The following CST5 variants were observed in gnomAD, a reference collection of about 807,000 sequenced individuals.
CST5 encodes cystatin-D.
A neutral mutation model predicts 11.5 loss-of-function variants in CST5; 13 were observed. The ratio of observed to expected loss-of-function variants is 1.13; its 90% confidence interval spans 0.73 to 1.79. The LOEUF (loss-of-function observed/expected upper bound fraction) is 1.79. CST5 is among the 40% of genes most tolerant of loss of function. CST5 has a pLI of 0.00. For missense variants in CST5, 219 were observed against 174.5 expected, an observed-to-expected ratio of 1.25 and a Z score of -1.44; for synonymous variants, 81 against 67.6, an observed-to-expected ratio of 1.20 and a Z score of -0.97.
rs139269433 is a variant in CST5 at position 23,879,517 on chromosome 20, C to T, written c.160G>A (p.Glu54Lys). ...TCCTTATTAATGACCTTGTTGTACT[C>T]GCTGATGGCAAAGTCCAGGGCACAC... is the stretch of plus-strand genomic sequence containing the variant. The part of the protein sequence containing the change: ...VQCALDFAIS[E>K]YNKVINKDEY... Residue 54 changes from glutamate to lysine, a missense_variant, in exon 1 of 3, where the codon GAG becomes AAG. Coordinates refer to ENST00000304710, the MANE Select transcript of CST5 (RefSeq NM_001900.5). The T allele has an allele frequency of 2.0e-5, 33 of 1,614,040 alleles. 1 individual carries two copies. Among genetic ancestry groups the T allele is most frequent in the East Asian group, 1.8e-4 (8 of 44,868 alleles).
At chr20:23,877,472 A>C in intron 2 of CST5, 33 bp downstream of exon 2, 1 of 1,526,464 alleles carries the variant, frequency 6.6e-7, no homozygotes, top group Non-Finnish European at 9.1e-7. Flanking sequence ...GCTCTGCGGT[A>C]CTTGATGCCC....
Position 23,877,624 on chromosome 20 carries a change from C to G in CST5, c.232-6G>C, listed in dbSNP as rs372005584. ...TAGTTCACCCCACCCACGATCTACA[C>G]GCGTGGAAGAGCAGGAAGCAGGGGC... On this transcript the variant is annotated splice_polypyrimidine_tract_variant and splice_region_variant and intron_variant, in intron 1 of 2. Coordinates refer to ENST00000304710, the MANE Select transcript of CST5 (RefSeq NM_001900.5). The G allele has an allele frequency of 6.2e-6, 10 of 1,607,064 alleles. No homozygotes were observed. In the Admixed American group the frequency reaches 1.0e-4, roughly 16 times the overall value.
chr20:23,879,294 G>C (rs1986031400), intron 1 of CST5, 152 bp downstream of exon 1: 3 of 705,816 alleles, frequency 4.3e-6, no homozygotes, highest in Non-Finnish European at 7.5e-6. Flanking sequence ...CGGCCAAGGA[G>C]TGTCCTAGGG....
chr20:23,877,321 A>T (rs1259103764), intron 2 of CST5, among the ~76,000 whole-genome samples, 184 bp downstream of exon 2: 1 of 152,204 alleles, frequency 6.6e-6, no homozygotes, highest in Admixed American at 6.5e-5. Flanking sequence ...CCAAACACAC[A>T]TGCATCCTCC....
chr20:23,877,482 C>T (rs751942346), intron 2 of CST5, 23 bp downstream of exon 2: 2 of 1,587,548 alleles, frequency 1.3e-6, no homozygotes, highest in South Asian at 1.1e-5. Context: ...ACTTGATGCC[C>T]CTGACCCACA....
At chr20:23,877,444 C>G (rs1360073242) in intron 2 of CST5, 61 bp downstream of exon 2, 2 of 1,277,464 alleles carry the variant, frequency 1.6e-6, no homozygotes, top group Non-Finnish European at 2.3e-6. Context: ...CACATACACA[C>G]ACACACATGC....
chr20:23,877,438 T>TAC (rs934414280), intron 2 of CST5, 67 bp downstream of exon 2: 62 of 1,196,818 alleles, frequency 5.2e-5, no homozygotes, highest in South Asian at 7.8e-5. Flanking sequence ...CACACACACA[T>TAC]ACACACACAC....
In CST5 at chr20:23,877,617, A is replaced by T; in HGVS notation, c.233T>A (p.Ile78Asn). 6.2e-7 allele frequency: 1 copy of T among 1,611,814 alleles called. No homozygotes were observed. Among genetic ancestry groups the T allele is most frequent in the Non-Finnish European group, 8.5e-7 (1 of 1,178,534 alleles). Residue 78 changes from isoleucine (I) to asparagine (N), a missense_variant and splice_region_variant, in exon 2 of 3, where the codon ATC (isoleucine) becomes AAC (asparagine). Ile to Asn is a moderately radical substitution (Grantham distance 149). Coordinates refer to ENST00000304710, the MANE Select transcript of CST5 (RefSeq NM_001900.5). The part of the protein sequence containing the change: ...PLQVMAAYQQ[I>N]VGGVNYYFNV... ...GAAGTAGTAGTTCACCCCACCCACG[A>T]TCTACACGCGTGGAAGAGCAGGAAG...
chr20:23,879,320 C>T, intron 1 of CST5, 126 bp downstream of exon 1: 2 of 768,002 alleles, frequency 2.6e-6, no homozygotes, highest in Non-Finnish European at 2.3e-6. Context: ...AGACCATCAG[C>T]AGACAGTCAG....
chr20:23,876,288 A>T lies in CST5; in HGVS notation c.346-17T>A. The stretch of plus-strand genomic sequence containing the variant: ...GAACTCTTCCTGTGAAAAGAAAGAG[A>T]TGGAGAAAATGACTGTGGGTTACAG... On this transcript the variant is annotated splice_polypyrimidine_tract_variant and intron_variant, in intron 2 of 2. Coordinates refer to ENST00000304710, the MANE Select transcript of CST5 (RefSeq NM_001900.5). 5 of 1,588,198 alleles carry T rather than the reference A, an allele frequency of 3.1e-6. No individual in the cohort carries two copies. Among genetic ancestry groups the T allele is most frequent in the Non-Finnish European group, 4.3e-6 (5 of 1,156,740 alleles).
chr20:23,878,788 G>A (rs907010772), intron 1 of CST5, among the ~76,000 whole-genome samples: 12 of 152,376 alleles, frequency 7.9e-5, no homozygotes, highest in African/African-American at 2.6e-4. Context: ...ATGGGACGTA[G>A]GTCAAGCTGG....
At chr20:23,878,199 C>G (rs188194039) in intron 1 of CST5, among the ~76,000 whole-genome samples, 2 of 152,324 alleles carry the variant, frequency 1.3e-5, no homozygotes, top group Non-Finnish European at 2.9e-5. Flanking sequence ...CCTCATTTCT[C>G]AGTAGGAGAT....
At chr20:23,878,752 G>A (rs962094005) in intron 1 of CST5, among the ~76,000 whole-genome samples, 1 of 152,228 alleles carries the variant, frequency 6.6e-6, no homozygotes, top group Non-Finnish European at 1.5e-5. Flanking sequence ...ATAGCCCTGT[G>A]GTCGCTGTGT....
Position 23,876,093 on chromosome 20 carries a change from A to T in CST5, c.*95T>A, listed in dbSNP as rs1236271544. 1.1e-6 allele frequency: 1 copy of T among 930,068 alleles called. No individual in the cohort carries two copies. Among genetic ancestry groups the T allele is most frequent in the East Asian group, 2.5e-5 (1 of 40,436 alleles). The allele number at this position is 930,068 out of a possible 1,614,324, so 57.6% of individuals were successfully genotyped here. A position where few individuals can be genotyped will look rare whatever the true frequency, so the allele number is the denominator to read the frequency against. The stretch of plus-strand genomic sequence containing the variant: ...TCTCCTGGTGCAGGCGCATGAGGAG[A>T]CCTCCCCCAGGGTGGGGGCCACCAG... On this transcript the variant is annotated 3_prime_UTR_variant, in exon 3 of 3. Coordinates refer to ENST00000304710, the MANE Select transcript of CST5 (RefSeq NM_001900.5).
rs1257267678 is a variant in CST5 at position 23,879,460 on chromosome 20, C to A, written c.217G>T (p.Ala73Ser). Residue 73 changes from alanine (A) to serine (S), a missense_variant, in exon 1 of 3, where the codon GCT becomes TCT. Ala to Ser is a moderately conservative substitution (Grantham distance 99, BLOSUM62 1). Coordinates refer to ENST00000304710, the MANE Select transcript of CST5 (RefSeq NM_001900.5). ...EYYSRPLQVM[A>S]AYQQIVGGVN... ...GTAGCACGCACCTGCTGGTAGGCAGCCATCACCTGCAGAGGGCGGCTGTAG... is the reference window on the plus strand; with the variant it reads ...GTAGCACGCACCTGCTGGTAGGCAGACATCACCTGCAGAGGGCGGCTGTAG... 6.2e-7 allele frequency: 1 copy of A among 1,613,634 alleles called. No individual in the cohort carries two copies. The highest frequency in any genetic ancestry group is 1.1e-5 in the South Asian group (1 of 91,074).
chr20:23,875,939 T>G lies in CST5; in HGVS notation c.*249A>C, dbSNP rs1985951551. 1 of 346,960 alleles carries G rather than the reference T, an allele frequency of 2.9e-6. No homozygotes were observed. Among genetic ancestry groups the G allele is most frequent in the East Asian group, 4.6e-5 (1 of 21,648 alleles). 21.5% of individuals were successfully genotyped at this position (346,960 alleles called of 1,614,324 possible). A position where few individuals can be genotyped will look rare whatever the true frequency, so the allele number is the denominator to read the frequency against. On this transcript the variant is annotated 3_prime_UTR_variant, in exon 3 of 3. Coordinates refer to ENST00000304710, the MANE Select transcript of CST5 (RefSeq NM_001900.5). ...CAGCCAAGAACTCAGAGGGAGGCAA[T>G]GCTACTGTTTAATTGCAGGAGGTGG... is the stretch of plus-strand genomic sequence containing the variant.
At chr20:23,878,648 C>T (rs958668649) in intron 1 of CST5, among the ~76,000 whole-genome samples, 1 of 151,726 alleles carries the variant, frequency 6.6e-6, no homozygotes, top group African/African-American at 2.4e-5. Context: ...CCCTCCTGTG[C>T]AGGGAGAGGG....
At position 23,879,506 on chromosome 20, in the gene CST5, CTTG is replaced by C. The variant is rs749954210; in HGVS notation, c.168_170del (p.Asn56del). Reference sequence around the variant, plus strand: ...TGTAGTACTCATCCTTATTAATGACCTTGTTGTACTCGCTGATGGCAAAGTCCA... The same window carrying C: ...TGTAGTACTCATCCTTATTAATGACCTTGTACTCGCTGATGGCAAAGTCCA... On this transcript the variant is annotated inframe_deletion, in exon 1 of 3. Transcript: ENST00000304710. The C allele has an allele frequency of 3.7e-6, 6 of 1,613,896 alleles. No homozygotes were observed. Among genetic ancestry groups the C allele is most frequent in the African/African-American group, 2.7e-5 (2 of 74,856 alleles).
intron 2 of CST5, among the ~76,000 whole-genome samples, chr20:23,876,803 G>T (rs948144634): frequency 2.0e-5 from 3 of 152,138 alleles, no homozygotes; most frequent in African/African-American, 7.2e-5. Context: ...GCAGGTCCAG[G>T]GCTTCTCAGC....
Sources: allele counts gnomAD v4.1 joint callset (sites outside exome capture counted in the v4.1 genomes callset), GRCh38; gene constraint gnomAD v4.1.1; transcripts MANE v1.5; gene names NCBI Gene and HGNC (gene_info 2026-07-23, HGNC 2026-07-21).